Variants in FABP6 observed in about 807,000 individuals in gnomAD.
The protein encoded by FABP6 is fatty acid binding protein 6, also known as gastrotropin.
FABP6 carries 13 observed loss-of-function variants against 14.9 expected under a neutral mutation model. The observed-to-expected ratio is 0.87, with a 90% CI of 0.57 to 1.39. The LOEUF is 1.39. Among genes scored for constraint, FABP6 ranks in the 40% most tolerant of loss-of-function variants. The pLI is 0.00. For missense variants in FABP6, 161 were observed against 167.2 expected, an observed-to-expected ratio of 0.96 and a Z score of 0.20; for synonymous variants, 75 against 63.6, an observed-to-expected ratio of 1.18 and a Z score of -0.85.
At chr5:160,212,868 C>T (rs1203444119) in intron 2 of FABP6, among the ~76,000 whole-genome samples, 10 of 152,208 alleles carry the variant, frequency 6.6e-5, no homozygotes, top group African/African-American at 1.2e-4. Flanking sequence ...CTGCCCGCCT[C>T]GGCCTCCCAA....
chr5:160,236,315 CT>C lies in FABP6; in HGVS notation c.333+1408del, dbSNP rs547272334. On this transcript the variant is annotated intron_variant, in intron 3 of 3. Transcript: ENST00000402432. ...ACAGGTGTGAGCCACTGCACCAGGC[CT>C]TGTGTCTGTTGTTATGAGGGCACTA... Among the ~76,000 whole-genome samples, 213 of 152,254 alleles carry C rather than the reference CT, an allele frequency of 1.4e-3. 1 individual carries two copies. Among genetic ancestry groups the C allele is most frequent in the Non-Finnish European group, 2.6e-3 (177 of 68,016 alleles).
chr5:160,225,555 C>T (rs1760227086), upstream of FABP6, among the ~76,000 whole-genome samples: 1 of 151,940 alleles, frequency 6.6e-6, no homozygotes, highest in Non-Finnish European at 1.5e-5. Flanking sequence ...GCACCTGCTA[C>T]CATGTCCAGC....
upstream of FABP6, chr5:160,228,505 G>A (rs1276332767): frequency 6.6e-6 from 3 of 456,184 alleles, no homozygotes; most frequent in Non-Finnish European, 8.8e-6. Context: ...AGGCCGGAGT[G>A]ATCACGGAGG....
intron 3 of FABP6, among the ~76,000 whole-genome samples, chr5:160,236,987 T>A (rs115629797): frequency 0.022 from 3,380 of 151,776 alleles, 95 homozygotes; most frequent in African/African-American, 0.07. Context: ...TCAAAAAAAA[T>A]AATAATAATA....
chr5:160,212,379 C>T (rs1759911483), intron 2 of FABP6, among the ~76,000 whole-genome samples: 1 of 152,060 alleles, frequency 6.6e-6, no homozygotes, highest in Admixed American at 6.6e-5. Context: ...TGGTCTCCAT[C>T]TCCTGACCTC....
chr5:160,208,461 A>C (rs964181216), intron 2 of FABP6, among the ~76,000 whole-genome samples: 21 of 152,228 alleles, frequency 1.4e-4, no homozygotes, highest in African/African-American at 5.1e-4. Flanking sequence ...AAAAAGTTGA[A>C]TCTACATTGC....
In FABP6 at chr5:160,229,621, C is replaced by T. The variant is rs753577212; in HGVS notation, c.64C>T (p.Leu22Phe). 14 of 1,613,608 alleles carry T rather than the reference C, an allele frequency of 8.7e-6. No individual in the cohort carries two copies. The highest frequency in any genetic ancestry group is 2.2e-5 in the East Asian group (1 of 44,876). ...GAATTATGATGAGTTCATGAAGCTC[C>T]TTGGTGAGTGAGCTCCTGGGTATCC... Reference protein sequence around the residue: ...EKNYDEFMKLLGISSDVIEKA... With the variant: ...EKNYDEFMKLFGISSDVIEKA... The change falls in exon 1 of 4, where the codon CTT becomes TTT. Residue 22 changes from leucine (L) to phenylalanine (F), a missense_variant. Leu to Phe is a conservative substitution (Grantham distance 22). Transcript: ENST00000402432.
intron 1 of FABP6, chr5:160,198,927 C>G: frequency 1.6e-6 from 1 of 627,448 alleles, no homozygotes; most frequent in Non-Finnish European, 2.8e-6. Flanking sequence ...TCTGTATCTC[C>G]AGGGCCCATG....
chr5:160,231,869 A>G (rs1357404790), intron 1 of FABP6, among the ~76,000 whole-genome samples: 1 of 152,130 alleles, frequency 6.6e-6, no homozygotes, highest in Non-Finnish European at 1.5e-5. Context: ...GGGCCTTATT[A>G]TCTCCATATT....
intron 2 of FABP6, among the ~76,000 whole-genome samples, chr5:160,201,704 C>T (rs1380758173): frequency 2.1e-5 from 3 of 146,260 alleles, no homozygotes; most frequent in African/African-American, 7.4e-5. Context: ...CTTCAGGAAG[C>T]CACCTGTCCT....
chr5:160,217,109 G>C (rs1760027429), intron 3 of FABP6, among the ~76,000 whole-genome samples: 2 of 152,180 alleles, frequency 1.3e-5, no homozygotes, highest in Non-Finnish European at 2.9e-5. Flanking sequence ...ATTTAGCACA[G>C]GACTTGGCGC....
intron 1 of FABP6, among the ~76,000 whole-genome samples, chr5:160,188,735 C>T (rs1259916457): frequency 1.3e-5 from 2 of 152,244 alleles, no homozygotes; most frequent in Non-Finnish European, 2.9e-5. Flanking sequence ...TGCCTCCTGT[C>T]TCTGGGCCTC....
At chr5:160,219,945 T>TAGC (rs1175510318) in intron 3 of FABP6, among the ~76,000 whole-genome samples, 1 of 152,090 alleles carries the variant, frequency 6.6e-6, no homozygotes, top group African/African-American at 2.4e-5. Flanking sequence ...ACATCCCCAG[T>TAGC]AGCGTATGAA....
At chr5:160,204,234 T>C (rs1759710219) in intron 2 of FABP6, among the ~76,000 whole-genome samples, 1 of 151,950 alleles carries the variant, frequency 6.6e-6, no homozygotes, top group Non-Finnish European at 1.5e-5. Context: ...GAAGCATTGC[T>C]TGAACCCAGG....
chr5:160,222,754 G>A (rs1172237410), intron 3 of FABP6, among the ~76,000 whole-genome samples: 2 of 152,164 alleles, frequency 1.3e-5, no homozygotes, highest in African/African-American at 4.8e-5. Context: ...GTTATGTTGA[G>A]GGGCAGGAAA....
intron 2 of FABP6, among the ~76,000 whole-genome samples, chr5:160,199,923 C>T (rs1429598532): frequency 6.6e-6 from 1 of 152,206 alleles, no homozygotes; most frequent in Non-Finnish European, 1.5e-5. Context: ...GAGGTGGCTC[C>T]ACATCCCTCC....
intron 1 of FABP6, 177 bp from the exon 2 acceptor site, chr5:160,231,921 C>T (rs1195273261): frequency 1.6e-6 from 1 of 634,632 alleles, no homozygotes; most frequent in African/African-American, 1.8e-5. Context: ...GGGACTTTCC[C>T]CAGCCACATG....
chr5:160,208,965 A>G (rs977606998), intron 2 of FABP6, among the ~76,000 whole-genome samples: 4 of 151,594 alleles, frequency 2.6e-5, no homozygotes, highest in African/African-American at 4.8e-5. Context: ...TTTGGTAGGG[A>G]CGGGGTTTCA....
At chr5:160,227,501 C>T (rs1045810407), upstream of FABP6, among the ~76,000 whole-genome samples, 3 of 133,392 alleles carry the variant, frequency 2.2e-5, no homozygotes, top group Non-Finnish European at 3.1e-5. Context: ...ACTTTGGCCT[C>T]GGCAACGGAG....
Sources: gnomAD v4.1 joint callset for allele counts (sites outside exome capture counted in the v4.1 genomes callset) on GRCh38, gnomAD v4.1.1 for gene constraint, MANE v1.5 for transcripts, NCBI Gene and HGNC (gene_info 2026-07-23, HGNC 2026-07-21) for gene names.